DCX: variants seen among roughly 807,000 people sequenced by gnomAD.
The protein encoded by DCX is neuronal migration protein doublecortin.
Under a neutral mutation model 20.9 loss-of-function variants are expected in DCX, and 4 were observed. The observed-to-expected ratio is 0.19, with a 90% CI of 0.09 to 0.44. The LOEUF (loss-of-function observed/expected upper bound fraction) is 0.44, where lower values mean the gene tolerates loss of function less well. DCX is among the 20% of genes least tolerant of loss of function. The pLI is 0.99. For missense variants in DCX, 133 were observed against 296.9 expected, an observed-to-expected ratio of 0.45 and a Z score of 4.06; for synonymous variants, 103 against 111.4, an observed-to-expected ratio of 0.92 and a Z score of 0.47.
chrX:111,326,646 G>T (rs746178366), intron 5 of DCX, among the ~76,000 whole-genome samples: 3 of 111,552 alleles, frequency 2.7e-5, no homozygotes, highest in Non-Finnish European at 5.7e-5. Context: ...AGTTCTGCCC[G>T]GTGAAAATGA....
At chrX:111,357,799 A>G (rs1320228066) in intron 3 of DCX, among the ~76,000 whole-genome samples, 1 of 110,822 alleles carries the variant, frequency 9.0e-6, no homozygotes, top group Non-Finnish European at 1.9e-5. Context: ...AAAAAAAGAA[A>G]AAAAAAAAGG....
intron 3 of DCX, among the ~76,000 whole-genome samples, chrX:111,391,001 T>A (rs1248205019): frequency 1.2e-5 from 1 of 82,224 alleles, no homozygotes; most frequent in African/African-American, 4.5e-5. Flanking sequence ...GATATCCTGC[T>A]AAAAAAAAAA....
intron 3 of DCX, among the ~76,000 whole-genome samples, chrX:111,352,124 G>A (rs933403797): frequency 7.2e-5 from 8 of 111,504 alleles, no homozygotes; most frequent in African/African-American, 2.3e-4. Context: ...GTAACAACTC[G>A]GAGGAGGGGT....
At chrX:111,376,294 T>G (rs185064291) in intron 3 of DCX, among the ~76,000 whole-genome samples, 3 of 111,449 alleles carry the variant, frequency 2.7e-5, no homozygotes, top group Admixed American at 9.5e-5. Flanking sequence ...GCAGTCAGAG[T>G]CTTTGCTGAT....
intron 3 of DCX, among the ~76,000 whole-genome samples, chrX:111,343,825 T>C (rs1048067971): frequency 2.7e-5 from 3 of 110,301 alleles, no homozygotes; most frequent in Admixed American, 9.6e-5. Flanking sequence ...CTACTAAAAA[T>C]ACAAAAATGA....
intron 3 of DCX, among the ~76,000 whole-genome samples, chrX:111,347,814 ATCT>A (rs1262415380): frequency 3.6e-5 from 4 of 111,109 alleles, no homozygotes. Context: ...TTTTCCACTG[ATCT>A]TCTTAGCCCC....
chrX:111,392,524 G>A (rs1927029736), intron 3 of DCX, among the ~76,000 whole-genome samples: 1 of 111,164 alleles, frequency 9.0e-6, no homozygotes, highest in South Asian at 3.8e-4. Flanking sequence ...AAAATATTAT[G>A]CTAAGTGAAA....
chrX:111,373,752 T>G (rs1191637013), intron 3 of DCX, among the ~76,000 whole-genome samples: 1 of 111,718 alleles, frequency 9.0e-6, no homozygotes, highest in East Asian at 2.8e-4. Flanking sequence ...GTGCTTACTA[T>G]GCACCAGGTA....
intron 3 of DCX, among the ~76,000 whole-genome samples, chrX:111,367,450 G>A (rs939727071): frequency 3.6e-5 from 4 of 112,002 alleles, no homozygotes; most frequent in African/African-American, 1.3e-4. Context: ...AGTCAGAGGA[G>A]TTTCCACAAT....
intron 3 of DCX, among the ~76,000 whole-genome samples, chrX:111,352,656 A>T (rs1031796367): frequency 1.8e-5 from 2 of 111,625 alleles, no homozygotes; most frequent in East Asian, 5.7e-4. Context: ...ACACTGCTGT[A>T]CTCATTTCAT....
At chrX:111,312,762 G>A in intron 5 of DCX, 26 bp from the exon 6 acceptor site, 1 of 1,194,618 alleles carries the variant, frequency 8.4e-7, no homozygotes, top group Non-Finnish European at 1.1e-6. Context: ...AGAAAAGGAA[G>A]GGATAAAAAT....
intron 3 of DCX, among the ~76,000 whole-genome samples, chrX:111,370,857 T>G (rs1310395987): frequency 8.9e-6 from 1 of 112,037 alleles, no homozygotes; most frequent in Non-Finnish European, 1.9e-5. Flanking sequence ...AGCATCAGTA[T>G]TTTTTAAAAG....
intron 3 of DCX, among the ~76,000 whole-genome samples, chrX:111,344,711 A>T (rs912183084): frequency 6.3e-5 from 7 of 111,617 alleles, no homozygotes; most frequent in Non-Finnish European, 1.1e-4. Context: ...TTCAAGGAGA[A>T]CTACAAACCA....
intron 3 of DCX, among the ~76,000 whole-genome samples, chrX:111,350,532 C>G (rs1440252682): frequency 9.0e-6 from 1 of 111,140 alleles, no homozygotes; most frequent in African/African-American, 3.3e-5. Context: ...CAAATGTCTA[C>G]AAAAAAAGGA....
intron 3 of DCX, among the ~76,000 whole-genome samples, chrX:111,336,011 G>C (rs2063084752): frequency 9.0e-6 from 1 of 111,648 alleles, no homozygotes; most frequent in African/African-American, 3.3e-5. Context: ...AAAAGAAATA[G>C]AAAATTGAAA....
chrX:111,328,209 C>CT (rs1356943303), intron 5 of DCX, among the ~76,000 whole-genome samples: 4 of 109,294 alleles, frequency 3.7e-5, no homozygotes, highest in Non-Finnish European at 5.7e-5. Flanking sequence ...TTCTTTTTTT[C>CT]TTTTTTTTTA....
intron 3 of DCX, among the ~76,000 whole-genome samples, chrX:111,392,979 C>A: frequency 9.0e-6 from 1 of 110,981 alleles, no homozygotes; most frequent in Admixed American, 9.6e-5. Context: ...ATTTTAGCTT[C>A]TCCTATCAAG....
rs773235824 is a variant in DCX, at chrX:111,304,026, C to T, written c.1045-2283G>A. Among the ~76,000 whole-genome samples the T allele has an allele frequency of 8.9e-5, 10 of 111,849 alleles. No homozygotes were observed. The East Asian group carries it at 2.8e-3, about 31-fold the overall frequency. Reference sequence around the variant, plus strand: ...AAGACACAGGCAGGATCTGGCATCCCTGTTCTAAACTACCAAACAAAAGTT... The same window carrying T: ...AAGACACAGGCAGGATCTGGCATCCTTGTTCTAAACTACCAAACAAAAGTT... On this transcript the variant is annotated intron_variant, in intron 6 of 6. Transcript: ENST00000636035.
intron 5 of DCX, 62 bp from the exon 6 acceptor site, chrX:111,312,798 T>C: frequency 3.8e-6 from 4 of 1,061,681 alleles, no homozygotes; most frequent in Non-Finnish European, 5.2e-6. Flanking sequence ...GAGCAAGTTA[T>C]CCTTCCCCTC....
Sources: gnomAD v4.1 joint callset for allele counts (sites outside exome capture counted in the v4.1 genomes callset) on GRCh38, gnomAD v4.1.1 for gene constraint, MANE v1.5 for transcripts, NCBI Gene and HGNC (gene_info 2026-07-23, HGNC 2026-07-21) for gene names.